The following NLGN1 variants were observed in gnomAD, a reference collection of about 807,000 sequenced individuals.
The protein encoded by NLGN1 is neuroligin-1.
A neutral mutation model predicts 65.5 loss-of-function variants in NLGN1; 12 were observed. The observed-to-expected ratio is 0.18, with a 90% CI of 0.12 to 0.30. NLGN1 has a LOEUF of 0.30. Among genes scored for constraint, NLGN1 ranks in the 10% least tolerant of loss-of-function variants. The pLI is 1.00. For synonymous variants in NLGN1, 350 were observed against 359.5 expected (o/e 0.97, Z 0.30); for missense variants, 750 against 1,007.1 (o/e 0.74, Z 3.46).
intron 1 of NLGN1, among the ~76,000 whole-genome samples, chr3:173,400,443 A>C (rs1479855000): frequency 6.6e-6 from 1 of 152,112 alleles, no homozygotes; most frequent in Non-Finnish European, 1.5e-5. Flanking sequence ...TCTTTAGTCC[A>C]TTCACAAGAC....
chr3:174,049,294 A>G (rs902255428), intron 4 of NLGN1, among the ~76,000 whole-genome samples: 2 of 152,114 alleles, frequency 1.3e-5, no homozygotes, highest in African/African-American at 2.4e-5. Flanking sequence ...AAGAAAAGTT[A>G]TACTTAATAT....
intron 1 of NLGN1, chr3:173,434,969 T>G (rs247979): frequency 0.41 from 62,514 of 152,538 alleles, 15,702 homozygotes; most frequent in African/African-American, 0.71. Flanking sequence ...TGTCACTAAT[T>G]CTCTGCTTTC....
intron 4 of NLGN1, among the ~76,000 whole-genome samples, chr3:173,935,436 C>CT (rs1023648914): frequency 3.3e-5 from 5 of 151,632 alleles, no homozygotes; most frequent in Admixed American, 1.3e-4. Flanking sequence ...AAAATATGGA[C>CT]TTTTTTTTAC....
chr3:173,638,950 A>T (rs2149578309), intron 3 of NLGN1, among the ~76,000 whole-genome samples: 1 of 152,220 alleles, frequency 6.6e-6, no homozygotes, highest in East Asian at 1.9e-4. Context: ...GAAAACAGAA[A>T]AAAAAGAGTT....
chr3:173,468,431 T>G (rs1724741105), intron 2 of NLGN1, among the ~76,000 whole-genome samples: 1 of 152,084 alleles, frequency 6.6e-6, no homozygotes, highest in African/African-American at 2.4e-5. Context: ...CTTAGAAACT[T>G]TAATAAAATT....
At chr3:174,269,047 A>T (rs115189569) in intron 4 of NLGN1, among the ~76,000 whole-genome samples, 409 of 151,978 alleles carry the variant, frequency 2.7e-3, no homozygotes, top group African/African-American at 9.4e-3. Context: ...TTAGACAGTA[A>T]CCTTCAAGGG....
At chr3:174,171,230 A>G (rs900221078) in intron 4 of NLGN1, among the ~76,000 whole-genome samples, 1 of 152,180 alleles carries the variant, frequency 6.6e-6, no homozygotes, top group African/African-American at 2.4e-5. Context: ...ACTTAAAATC[A>G]GGTGTCTAAT....
At chr3:173,458,440 A>G (rs897247917) in intron 2 of NLGN1, among the ~76,000 whole-genome samples, 2 of 151,896 alleles carry the variant, frequency 1.3e-5, no homozygotes, top group Non-Finnish European at 2.9e-5. Flanking sequence ...TTTCTGTATC[A>G]TTTATCTTCT....
At chr3:174,058,642 A>G (rs1043979777) in intron 4 of NLGN1, among the ~76,000 whole-genome samples, 2 of 152,138 alleles carry the variant, frequency 1.3e-5, no homozygotes, top group Admixed American at 6.6e-5. Context: ...TTTCATATAC[A>G]TTTTGAAAAT....
intron 2 of NLGN1, among the ~76,000 whole-genome samples, chr3:173,567,405 T>C (rs1743863432): frequency 1.3e-5 from 2 of 151,982 alleles, no homozygotes; most frequent in African/African-American, 4.8e-5. Flanking sequence ...TTTTTTAGTT[T>C]TTAAAAGTCT....
chr3:173,720,474 A>G (rs575022789), intron 3 of NLGN1, among the ~76,000 whole-genome samples: 40 of 152,332 alleles, frequency 2.6e-4, no homozygotes, highest in Non-Finnish European at 4.7e-4. Flanking sequence ...AGGCAGAGCA[A>G]CTTCCAGTAT....
chr3:173,769,496 A>G (rs1779271786), intron 3 of NLGN1, among the ~76,000 whole-genome samples: 1 of 152,182 alleles, frequency 6.6e-6, no homozygotes. Context: ...CGAACTTTTC[A>G]GCATGTGGTC....
At chr3:174,149,346 A>G (rs1265094405) in intron 4 of NLGN1, among the ~76,000 whole-genome samples, 1 of 152,076 alleles carries the variant, frequency 6.6e-6, no homozygotes, top group African/African-American at 2.4e-5. Context: ...ACCTCCCTCC[A>G]TGGCATTCCT....
At chr3:173,730,759 A>G (rs1772700897) in intron 3 of NLGN1, among the ~76,000 whole-genome samples, 1 of 152,170 alleles carries the variant, frequency 6.6e-6, no homozygotes, top group African/African-American at 2.4e-5. Context: ...ATTCCAATAT[A>G]AAAACAAAAT....
intron 4 of NLGN1, among the ~76,000 whole-genome samples, chr3:174,243,175 A>G (rs751744374): frequency 2.0e-5 from 3 of 152,222 alleles, no homozygotes; most frequent in Non-Finnish European, 4.4e-5. Flanking sequence ...AAATGTTCAC[A>G]TATAGACATT....
At chr3:174,071,440 G>T (rs935927042) in intron 4 of NLGN1, among the ~76,000 whole-genome samples, 5 of 152,064 alleles carry the variant, frequency 3.3e-5, no homozygotes, top group African/African-American at 1.2e-4. Flanking sequence ...CTAGCACTTT[G>T]GGAGACCGAG....
intron 3 of NLGN1, among the ~76,000 whole-genome samples, chr3:173,632,853 T>TTTTTTTTG: frequency 8.0e-6 from 1 of 124,322 alleles, no homozygotes; most frequent in Admixed American, 7.4e-5. Context: ...TTTTTTGTTT[T>TTTTTTTTG]TTTTTTTTTT....
chr3:174,089,356 A>G (rs1744069780), intron 4 of NLGN1, among the ~76,000 whole-genome samples: 1 of 152,094 alleles, frequency 6.6e-6, no homozygotes, highest in Non-Finnish European at 1.5e-5. Context: ...CCTGTTCTTT[A>G]TTACTGCTTT....
In NLGN1 at chr3:173,682,481, C is replaced by T. The variant is rs1007233357; in HGVS notation, c.493+77390C>T. Among the ~76,000 whole-genome samples, 71 of 148,864 alleles carry T rather than the reference C, an allele frequency of 4.8e-4. No homozygotes were observed. The Admixed American group carries it at 4.9e-3, about 10-fold the overall frequency. On this transcript the variant is annotated intron_variant, in intron 3 of 6. Transcript: ENST00000457714. ...GCACATGCCTGTAGTCCCAACTACT[C>T]AGGAGGCTGAGGCAGGAGAATCGCT...
Sources: allele counts gnomAD v4.1 joint callset (sites outside exome capture counted in the v4.1 genomes callset), GRCh38; gene constraint gnomAD v4.1.1; transcripts MANE v1.5; gene names NCBI Gene and HGNC (gene_info 2026-07-23, HGNC 2026-07-21).